Variants in CATSPERD observed in about 807,000 individuals in gnomAD.
The protein encoded by CATSPERD is catsper channel auxiliary subunit delta.
CATSPERD carries 86 observed loss-of-function variants against 98.1 expected under a neutral mutation model. The ratio of observed to expected loss-of-function variants is 0.88; its 90% CI spans 0.74 to 1.05. CATSPERD has a LOEUF of 1.05. Among genes scored for constraint, CATSPERD ranks in the 50% least tolerant of loss-of-function variants. The pLI is 0.00. For synonymous variants in CATSPERD, 394 were observed against 390.2 expected (o/e 1.01, Z -0.12); for missense variants, 995 against 1,005.7 (o/e 0.99, Z 0.14).
At chr19:5,774,825 T>C (rs1338027762) in intron 20 of CATSPERD, among the ~76,000 whole-genome samples, 1 of 151,902 alleles carries the variant, frequency 6.6e-6, no homozygotes, top group Admixed American at 6.6e-5. Context: ...GAGACCAGCC[T>C]GACCAACATG....
chr19:5,775,130 T>A, intron 20 of CATSPERD: 1 of 379,776 alleles, frequency 2.6e-6, no homozygotes, highest in Admixed American at 3.1e-5. Context: ...CTGCCACGGT[T>A]ACTACTTGAG....
At chr19:5,774,257 C>A (rs1323890700) in intron 20 of CATSPERD, among the ~76,000 whole-genome samples, 3 of 151,960 alleles carry the variant, frequency 2.0e-5, no homozygotes, top group East Asian at 3.9e-4. Context: ...TGAGCCACTG[C>A]GCCCGGTCGG....
chr19:5,740,484 G>A (rs1306153733), intron 7 of CATSPERD, among the ~76,000 whole-genome samples: 1 of 151,804 alleles, frequency 6.6e-6, no homozygotes, highest in African/African-American at 2.4e-5. Context: ...CTACCCGGGA[G>A]GCTGAGGCCG....
intron 19 of CATSPERD, chr19:5,772,510 A>G: frequency 5.3e-6 from 2 of 374,034 alleles, no homozygotes. Context: ...TACGGGCGTG[A>G]GCCGCCGCGC....
chr19:5,730,050 T>A, intron 4 of CATSPERD, 106 bp downstream of exon 4: 1 of 702,694 alleles, frequency 1.4e-6, no homozygotes, highest in Non-Finnish European at 2.4e-6. Context: ...GTTTAGAGGT[T>A]TATTTTACAA....
rs763238245 is a variant in CATSPERD, at chr19:5,766,153, GAAGT to G, written c.1559+4_1559+7del. 8.7e-6 allele frequency: 14 copies of G among 1,612,774 alleles called. No homozygotes were observed. Among genetic ancestry groups the G allele is most frequent in the Admixed American group, 5.0e-5 (3 of 59,860 alleles). On this transcript the variant is annotated splice_donor_variant and coding_sequence_variant, in exon 17 of 22. Transcript: ENST00000381624. LOFTEE classifies it high-confidence loss of function. ...ACCTGGATAAAAAGATCGTCATCCAGAAGTAAGTATGTTGAGGCCGGGCACCATG... is the reference window on the plus strand; with the variant it reads ...ACCTGGATAAAAAGATCGTCATCCAGAAGTATGTTGAGGCCGGGCACCATG...
At chr19:5,752,296 G>A (rs950619884) in intron 12 of CATSPERD, among the ~76,000 whole-genome samples, 1 of 152,018 alleles carries the variant, frequency 6.6e-6, no homozygotes, top group Non-Finnish European at 1.5e-5. Context: ...GTGACAGAGC[G>A]AGACTTCGTC....
chr19:5,741,356 A>G (rs1482759632), intron 7 of CATSPERD, among the ~76,000 whole-genome samples: 3 of 152,082 alleles, frequency 2.0e-5, no homozygotes, highest in Admixed American at 6.6e-5. Context: ...TTTACTTGTC[A>G]TGGTTCTGGA....
rs865952049 is a variant in CATSPERD, at chr19:5,767,294, T to G, written c.1560-874T>G. ...ATCGTGCCACTGCACTCCAGCCTGG[T>G]TGACAGAGCGAGACTCTGTCTCAAA... On this transcript the variant is annotated intron_variant, in intron 17 of 21. Transcript: ENST00000381624. 1.6e-3 allele frequency among the ~76,000 whole-genome samples: 206 copies of G among 125,960 alleles called. 1 individual carries two copies. Among genetic ancestry groups the G allele is most frequent in the African/African-American group, 5.7e-3 (188 of 32,722 alleles). 82.6% of individuals were successfully genotyped at this position (125,960 alleles called of 152,430 possible).
intron 13 of CATSPERD, among the ~76,000 whole-genome samples, chr19:5,755,495 C>T (rs534585489): frequency 3.7e-4 from 57 of 152,190 alleles, no homozygotes; most frequent in African/African-American, 1.2e-3. Context: ...GAGGGCCGGG[C>T]GCGGTGGCTC....
At chr19:5,758,596 A>G (rs1414003423) in intron 14 of CATSPERD, among the ~76,000 whole-genome samples, 1 of 139,020 alleles carries the variant, frequency 7.2e-6, no homozygotes, top group African/African-American at 2.7e-5. Context: ...AAAAAAAATT[A>G]GCCGGGTGTG....
chr19:5,733,974 T>C lies in CATSPERD; in HGVS notation c.391+4T>C, dbSNP rs967062584. On this transcript the variant is annotated splice_donor_region_variant and intron_variant, in intron 5 of 21. Coordinates refer to ENST00000381624, the MANE Select transcript of CATSPERD (RefSeq NM_152784.4). Reference sequence around the variant, plus strand: ...AATTCTTGGAGCATGTCTTTAGGTATGTACATTTTGTATTTTTAAATTTTG... The same window carrying C: ...AATTCTTGGAGCATGTCTTTAGGTACGTACATTTTGTATTTTTAAATTTTG... 1.9e-6 allele frequency: 3 copies of C among 1,544,636 alleles called. No individual in the cohort carries two copies. The highest frequency in any genetic ancestry group is 2.8e-5 in the African/African-American group (2 of 72,462).
At chr19:5,735,800 G>A (rs1171392166) in intron 5 of CATSPERD, among the ~76,000 whole-genome samples, 4 of 134,688 alleles carry the variant, frequency 3.0e-5, no homozygotes, top group South Asian at 4.8e-4. Context: ...TTTTTGAGAC[G>A]GCGTCTTGCT....
chr19:5,767,764 CCTT>C (rs1052278811), intron 17 of CATSPERD, among the ~76,000 whole-genome samples: 1 of 117,552 alleles, frequency 8.5e-6, no homozygotes, highest in African/African-American at 3.3e-5. Flanking sequence ...GCCTGCCCTC[CCTT>C]TTTTATTTGT....
intron 8 of CATSPERD, among the ~76,000 whole-genome samples, chr19:5,745,320 C>T (rs914698910): frequency 6.6e-6 from 1 of 151,892 alleles, no homozygotes; most frequent in Non-Finnish European, 1.5e-5. Flanking sequence ...TTTTTCTGTA[C>T]TACATCTTCA....
intron 9 of CATSPERD, among the ~76,000 whole-genome samples, chr19:5,746,388 G>C (rs2056094071): frequency 6.6e-6 from 1 of 152,096 alleles, no homozygotes; most frequent in African/African-American, 2.4e-5. Context: ...CAACTCTGAG[G>C]CTGCTTTTCC....
chr19:5,762,058 A>ATATATATATATATATATTTTTTTTTT, intron 15 of CATSPERD, among the ~76,000 whole-genome samples: 4 of 10,428 alleles, frequency 3.8e-4, no homozygotes, highest in South Asian at 7.8e-3. Flanking sequence ...ATATATATAT[A>ATATATATATATATATATTTTTTTTTT]TTTTTTTTTT....
At chr19:5,777,681 G>C (rs566159136) in intron 21 of CATSPERD, among the ~76,000 whole-genome samples, 3 of 152,208 alleles carry the variant, frequency 2.0e-5, no homozygotes, top group East Asian at 3.9e-4. Flanking sequence ...TCAGGAGTTC[G>C]AGACAAGCCT....
At position 5,763,847 on chromosome 19, in the gene CATSPERD, C is replaced by CTTTTTTTTTTTTTTTTTTTTTTTTT. The variant is rs56352544; in HGVS notation, c.1506+572_1506+573insTTTTTTTTTTTTTTTTTTTTTTTTT. On this transcript the variant is annotated intron_variant, in intron 16 of 21. Coordinates refer to ENST00000381624, the MANE Select transcript of CATSPERD (RefSeq NM_152784.4). ...TGTTGGCCAGGCTGGTCTTGAACTC[C>CTTTTTTTTTTTTTTTTTTTTTTTTT]TTTTTTTTTTTTTTTTTTGACATGG... Among the ~76,000 whole-genome samples the CTTTTTTTTTTTTTTTTTTTTTTTTT allele has an allele frequency of 6.9e-4, 43 of 62,134 alleles. 11 individuals carry two copies. Among genetic ancestry groups the CTTTTTTTTTTTTTTTTTTTTTTTTT allele is most frequent in the Non-Finnish European group, 1.0e-3 (32 of 31,378 alleles). 40.8% of individuals were successfully genotyped at this position (62,134 alleles called of 152,430 possible).
Sources: gnomAD v4.1 joint callset for allele counts (sites outside exome capture counted in the v4.1 genomes callset) on GRCh38, gnomAD v4.1.1 for gene constraint, MANE v1.5 for transcripts, NCBI Gene and HGNC (gene_info 2026-07-23, HGNC 2026-07-21) for gene names.